Variants in SOX6 observed in about 807,000 individuals in gnomAD.
SOX6 encodes SRY-box transcription factor 6, also known as transcription factor SOX-6.
SOX6 carries 11 observed loss-of-function variants against 97.8 expected under a neutral mutation model. The ratio of observed to expected loss-of-function variants is 0.11; its 90% CI spans 0.07 to 0.19. The LOEUF (loss-of-function observed/expected upper bound fraction) is 0.19. Among genes scored for constraint, SOX6 ranks in the 10% least tolerant of loss-of-function variants. The pLI is 1.00. For synonymous variants in SOX6, 360 were observed against 371.4 expected, an observed-to-expected ratio of 0.97 and a Z score of 0.35; for missense variants, 810 against 1,039.5, an observed-to-expected ratio of 0.78 and a Z score of 3.04.
chr11:16,016,777 G>A (rs946405078), intron 12 of SOX6, among the ~76,000 whole-genome samples: 3 of 152,104 alleles, frequency 2.0e-5, no homozygotes, highest in East Asian at 3.9e-4. Context: ...ACATTGTTTC[G>A]CATTTCAAAT....
intron 3 of SOX6, among the ~76,000 whole-genome samples, chr11:16,247,140 T>C (rs963432132): frequency 6.6e-6 from 1 of 152,176 alleles, no homozygotes; most frequent in Non-Finnish European, 1.5e-5. Flanking sequence ...AGCTCTCACA[T>C]ATGAGTGAGA....
At chr11:16,235,695 A>T (rs1852996519) in intron 3 of SOX6, among the ~76,000 whole-genome samples, 1 of 152,136 alleles carries the variant, frequency 6.6e-6, no homozygotes. Context: ...CTCTCGTATC[A>T]GCACCTATCT....
chr11:16,191,480 T>C (rs1223476326), intron 4 of SOX6, among the ~76,000 whole-genome samples: 1 of 151,946 alleles, frequency 6.6e-6, no homozygotes. Flanking sequence ...AGAAAAATCA[T>C]GTCCTAAATC....
At chr11:16,203,997 T>C (rs543055833) in intron 4 of SOX6, among the ~76,000 whole-genome samples, 1 of 152,020 alleles carries the variant, frequency 6.6e-6, no homozygotes, top group South Asian at 2.1e-4. Context: ...AAACCTTATA[T>C]CAAAAAGTTT....
At chr11:16,639,802 A>T (rs542207401) in intron 3 of SOX6, among the ~76,000 whole-genome samples, 1 of 152,142 alleles carries the variant, frequency 6.6e-6, no homozygotes, top group South Asian at 2.1e-4. Context: ...GCTTAAGGAG[A>T]TTTTGGGCTG....
intron 4 of SOX6, among the ~76,000 whole-genome samples, chr11:16,500,719 A>G (rs1299656196): frequency 6.6e-6 from 1 of 152,246 alleles, no homozygotes; most frequent in Non-Finnish European, 1.5e-5. Flanking sequence ...ATTGCTTCAA[A>G]GAGAATGAAA....
intron 13 of SOX6, among the ~76,000 whole-genome samples, chr11:16,003,676 A>T (rs1466082262): frequency 6.6e-6 from 1 of 152,112 alleles, no homozygotes; most frequent in Non-Finnish European, 1.5e-5. Context: ...GTGAGTCTCT[A>T]ATGCCCACAT....
intron 2 of SOX6, among the ~76,000 whole-genome samples, chr11:16,336,208 A>G (rs11023919): frequency 0.055 from 8,425 of 152,236 alleles, 302 homozygotes; most frequent in Non-Finnish European, 0.08. Flanking sequence ...GTATCTCATA[A>G]GAGTGTTGGT....
At chr11:16,306,895 C>T (rs947422470) in intron 3 of SOX6, among the ~76,000 whole-genome samples, 7 of 152,010 alleles carry the variant, frequency 4.6e-5, no homozygotes, top group African/African-American at 9.7e-5. Flanking sequence ...AAGTGCTGGG[C>T]TTACAGGCAT....
intron 4 of SOX6, among the ~76,000 whole-genome samples, chr11:16,498,773 T>G (rs1022149258): frequency 7.9e-5 from 12 of 152,140 alleles, no homozygotes; most frequent in Non-Finnish European, 1.2e-4. Flanking sequence ...CCTAAATATA[T>G]ATGCACACAA....
In SOX6 at chr11:15,970,482, A is replaced by G. The variant is rs557054954; in HGVS notation, c.*2327T>C. 5.3e-4 allele frequency: 81 copies of G among 152,760 alleles called. No individual in the cohort carries two copies. The highest frequency in any genetic ancestry group is 1.9e-3 in the African/African-American group (79 of 41,576). 9.5% of individuals were successfully genotyped at this position (152,760 alleles called of 1,614,324 possible). ...AGAGCAAAAGCAAAAGCCAAAGAGA[A>G]AGAAAAAAAACAAGAGTGAACTGAG... On this transcript the variant is annotated 3_prime_UTR_variant, in exon 16 of 16. Coordinates refer to ENST00000683767, the MANE Select transcript of SOX6 (RefSeq NM_001367873.1).
intron 9 of SOX6, among the ~76,000 whole-genome samples, chr11:16,062,525 T>C (rs1847985381): frequency 6.6e-6 from 1 of 151,592 alleles, no homozygotes; most frequent in Non-Finnish European, 1.5e-5. Context: ...TTAGCCAAAG[T>C]CCCATAAACA....
At chr11:16,719,518 A>C (rs1013575875) in intron 2 of SOX6, among the ~76,000 whole-genome samples, 1 of 152,194 alleles carries the variant, frequency 6.6e-6, no homozygotes, top group Non-Finnish European at 1.5e-5. Flanking sequence ...TAATTTACTA[A>C]TTAGTAAACA....
chr11:16,268,811 C>A (rs1256427562), intron 3 of SOX6, among the ~76,000 whole-genome samples: 1 of 150,792 alleles, frequency 6.6e-6, no homozygotes, highest in Non-Finnish European at 1.5e-5. Flanking sequence ...TTCCAGAGTT[C>A]TTTATATATT....
chr11:16,417,625 GA>G (rs746740596), intron 1 of SOX6, among the ~76,000 whole-genome samples: 1 of 150,524 alleles, frequency 6.6e-6, no homozygotes, highest in Admixed American at 6.6e-5. Context: ...ACTTAATTTG[GA>G]AAAAAAAATC....
chr11:16,354,394 A>G (rs767651479), intron 1 of SOX6, among the ~76,000 whole-genome samples: 2 of 152,044 alleles, frequency 1.3e-5, no homozygotes, highest in Non-Finnish European at 2.9e-5. Flanking sequence ...TCCACGGAAT[A>G]TAAGTTTTCC....
intron 2 of SOX6, among the ~76,000 whole-genome samples, chr11:16,332,842 C>A (rs921020596): frequency 2.6e-5 from 4 of 152,114 alleles, no homozygotes; most frequent in African/African-American, 9.7e-5. Flanking sequence ...GTAATAATAG[C>A]TTGAAGTTGC....
At chr11:16,296,049 A>G (rs1337709696) in intron 3 of SOX6, among the ~76,000 whole-genome samples, 2 of 152,138 alleles carry the variant, frequency 1.3e-5, no homozygotes, top group Non-Finnish European at 2.9e-5. Context: ...GGAGTTATAC[A>G]TACATAATTA....
At chr11:16,509,237 A>G (rs1860838407) in intron 4 of SOX6, among the ~76,000 whole-genome samples, 1 of 151,922 alleles carries the variant, frequency 6.6e-6, no homozygotes, top group Non-Finnish European at 1.5e-5. Flanking sequence ...TTTATTTCAG[A>G]AATAAATTTC....
Sources: gnomAD v4.1 joint callset for allele counts (sites outside exome capture counted in the v4.1 genomes callset) on GRCh38, gnomAD v4.1.1 for gene constraint, MANE v1.5 for transcripts, NCBI Gene and HGNC (gene_info 2026-07-23, HGNC 2026-07-21) for gene names.